CCDC171: variants seen among roughly 807,000 people sequenced by gnomAD.
The protein encoded by CCDC171 is coiled-coil domain-containing protein 171.
A neutral mutation model predicts 168.2 loss-of-function variants in CCDC171; 177 were observed. That is an observed-to-expected ratio of 1.05 (90% CI 0.93 to 1.19). The LOEUF is 1.19. CCDC171 is among the 50% of genes most tolerant of loss of function. CCDC171 has a pLI of 0.00. For synonymous variants in CCDC171, 687 were observed against 540.8 expected, an observed-to-expected ratio of 1.27 and a Z score of -3.75; for missense variants, 1,991 against 1,539.0, an observed-to-expected ratio of 1.29 and a Z score of -4.91.
chr9:15,985,332 A>G (rs79910632), intron 3 of CCDC171, among the ~76,000 whole-genome samples: 110 of 152,320 alleles, frequency 7.2e-4, no homozygotes, highest in African/African-American at 2.5e-3. Flanking sequence ...AGGTATGAAC[A>G]CACTGATCCT....
intron 1 of CCDC171, among the ~76,000 whole-genome samples, chr9:15,562,339 T>G (rs2039372480): frequency 6.6e-6 from 1 of 152,084 alleles, no homozygotes; most frequent in South Asian, 2.1e-4. Flanking sequence ...TCATTCAGTC[T>G]GCTAAGATAA....
chr9:15,874,461 A>G (rs968748404), intron 23 of CCDC171, 71 bp from the exon 24 acceptor site: 4 of 1,390,674 alleles, frequency 2.9e-6, no homozygotes, highest in Admixed American at 2.3e-5. Flanking sequence ...AGTGGGCTCA[A>G]GGGGACCCAG....
At chr9:15,823,006 TA>T (rs536410558) in intron 21 of CCDC171, among the ~76,000 whole-genome samples, 2,733 of 152,200 alleles carry the variant, frequency 0.018, 97 homozygotes, top group African/African-American at 0.062. Flanking sequence ...TATGCAGCCA[TA>T]AAAAATGGTG....
chr9:15,602,858 A>G (rs1227503559), intron 6 of CCDC171, among the ~76,000 whole-genome samples: 1 of 151,912 alleles, frequency 6.6e-6, no homozygotes, highest in Non-Finnish European at 1.5e-5. Flanking sequence ...GAGTTTTGCC[A>G]GGTTGGCAAG....
At chr9:15,822,945 A>T (rs2059853451) in intron 21 of CCDC171, among the ~76,000 whole-genome samples, 1 of 152,152 alleles carries the variant, frequency 6.6e-6, no homozygotes, top group South Asian at 2.1e-4. Context: ...CAAATGTCCA[A>T]CAATGATAGA....
chr9:16,035,228 A>G (rs1016537632), intron 6 of CCDC171, among the ~76,000 whole-genome samples: 3 of 152,212 alleles, frequency 2.0e-5, no homozygotes, highest in Non-Finnish European at 2.9e-5. Context: ...AAAAGAACAT[A>G]CTAAGAAAGA....
At chr9:15,566,845 G>A (rs1024531726) in intron 2 of CCDC171, among the ~76,000 whole-genome samples, 5 of 152,046 alleles carry the variant, frequency 3.3e-5, no homozygotes, top group Non-Finnish European at 5.9e-5. Flanking sequence ...GTTACTTTTT[G>A]TACGAGGTAA....
the CCDC171 span, among the ~76,000 whole-genome samples, chr9:16,090,084 G>A: frequency 2.0e-5 from 3 of 152,262 alleles, no homozygotes; most frequent in East Asian, 5.8e-4. Context: ...ATACCCAAAG[G>A]ATTATAAATC....
the CCDC171 span, among the ~76,000 whole-genome samples, chr9:16,094,203 C>A: frequency 6.6e-6 from 1 of 152,164 alleles, no homozygotes; most frequent in African/African-American, 2.4e-5. Flanking sequence ...CCAGCTGCAT[C>A]AGGTTAAAGT....
chr9:15,696,283 G>A (rs2175083), intron 11 of CCDC171, among the ~76,000 whole-genome samples: 141,862 of 152,284 alleles, frequency 0.93, 66,220 homozygotes, highest in East Asian at 1. Context: ...TTCATATTTT[G>A]CCTTGTGGAT....
rs2059584256 is a variant in CCDC171 at position 15,817,023 on chromosome 9, T to C, written c.3268-29679T>C. On this transcript the variant is annotated intron_variant, in intron 21 of 25. Transcript: ENST00000380701. Reference sequence around the variant, plus strand: ...AGTTTTATAGTTATGTGTGTGTGTGTATTTCCTTAAGGCTGTGGATGTTTT... The same window carrying C: ...AGTTTTATAGTTATGTGTGTGTGTGCATTTCCTTAAGGCTGTGGATGTTTT... Among the ~76,000 whole-genome samples the C allele has an allele frequency of 1.7e-5, 2 of 118,344 alleles. 1 individual carries two copies. Among genetic ancestry groups the C allele is most frequent in the East Asian group, 4.3e-4 (2 of 4,688 alleles). 77.6% of individuals were successfully genotyped at this position (118,344 alleles called of 152,430 possible).
intron 10 of CCDC171, among the ~76,000 whole-genome samples, chr9:15,690,658 C>G (rs558996571): frequency 2.2e-4 from 34 of 152,190 alleles, no homozygotes; most frequent in African/African-American, 8.2e-4. Flanking sequence ...GATTTGCACA[C>G]TTGATCACTT....
intron 2 of CCDC171, among the ~76,000 whole-genome samples, chr9:15,568,363 C>G (rs981658330): frequency 4.6e-5 from 7 of 151,716 alleles, no homozygotes; most frequent in African/African-American, 1.5e-4. Context: ...CTCCGCCTCC[C>G]GGGCTTAGGC....
At chr9:15,772,255 C>T (rs1200121538) in intron 18 of CCDC171, among the ~76,000 whole-genome samples, 1 of 152,172 alleles carries the variant, frequency 6.6e-6, no homozygotes, top group Non-Finnish European at 1.5e-5. Flanking sequence ...CCAGTTTACT[C>T]CATTAGTTTC....
intron 1 of CCDC171, among the ~76,000 whole-genome samples, chr9:15,559,716 T>C (rs535799961): frequency 6.6e-6 from 1 of 152,154 alleles, no homozygotes; most frequent in Non-Finnish European, 1.5e-5. Flanking sequence ...AATTGGAGCA[T>C]TTAGCCCATT....
intron 25 of CCDC171, among the ~76,000 whole-genome samples, chr9:15,951,579 G>GTA (rs1219430909): frequency 6.6e-6 from 1 of 151,898 alleles, no homozygotes; most frequent in Non-Finnish European, 1.5e-5. Flanking sequence ...TGGGTAGGAG[G>GTA]TAGTATCTCA....
the CCDC171 span, among the ~76,000 whole-genome samples, chr9:16,107,194 G>T: frequency 3.9e-5 from 6 of 152,058 alleles, no homozygotes; most frequent in African/African-American, 1.4e-4. Context: ...CTGTCACCCA[G>T]GCTGGAGTGC....
chr9:16,096,451 G>A, the CCDC171 span, among the ~76,000 whole-genome samples: 1 of 152,186 alleles, frequency 6.6e-6, no homozygotes, highest in Non-Finnish European at 1.5e-5. Flanking sequence ...GAAGATGTGT[G>A]ACTGCTATGT....
chr9:15,751,105 A>G (rs1048748313), intron 18 of CCDC171, among the ~76,000 whole-genome samples: 1 of 152,202 alleles, frequency 6.6e-6, no homozygotes. Flanking sequence ...ATGTGCAAAA[A>G]TCACAGGCAT....
Sources: allele counts gnomAD v4.1 joint callset (sites outside exome capture counted in the v4.1 genomes callset), GRCh38; gene constraint gnomAD v4.1.1; transcripts MANE v1.5; gene names NCBI Gene and HGNC (gene_info 2026-07-23, HGNC 2026-07-21).